The following OAS1 variants were observed in gnomAD, a reference collection of about 807,000 sequenced individuals.
The protein encoded by OAS1 is 2'-5'-oligoadenylate synthase 1.
In OAS1, 24 loss-of-function variants were observed where a neutral mutation model predicts 38.5. The ratio of observed to expected loss-of-function variants is 0.62; its 90% confidence interval spans 0.45 to 0.88. The LOEUF is 0.88. Ranked by LOEUF, OAS1 falls within the 40% of genes least tolerant of loss-of-function variation. The pLI, the probability that OAS1 is intolerant of heterozygous loss-of-function variation, is 0.00. For missense variants in OAS1, 482 were observed against 493.9 expected (o/e 0.98, Z 0.23); for synonymous variants, 169 against 193.9 (o/e 0.87, Z 1.07).
At chr12:112,932,442 A>T (rs2043603644), downstream of OAS1, 1 of 152,754 alleles carries the variant, frequency 6.5e-6, no homozygotes, top group South Asian at 2.1e-4. Flanking sequence ...AAATACAAAA[A>T]TTAGCCGGGC....
chr12:112,907,304 A>C, intron 1 of OAS1, 85 bp downstream of exon 1: 1 of 1,340,066 alleles, frequency 7.5e-7, no homozygotes, highest in Non-Finnish European at 1.1e-6. Context: ...GAGAGAGAGA[A>C]GCAAAAACCT....
chr12:112,922,409 C>T (rs546987642), downstream of OAS1, among the ~76,000 whole-genome samples: 2 of 152,288 alleles, frequency 1.3e-5, no homozygotes, highest in South Asian at 4.1e-4. Flanking sequence ...AGATACTCAT[C>T]CACTAAGTCA....
At chr12:112,928,936 C>T (rs1419647196) in intron 6 of OAS1, among the ~76,000 whole-genome samples, 1 of 152,194 alleles carries the variant, frequency 6.6e-6, no homozygotes, top group African/African-American at 2.4e-5. Flanking sequence ...TTTATGGATT[C>T]TACAGCAATC....
At chr12:112,915,933 C>T (rs1209401796) in intron 3 of OAS1, among the ~76,000 whole-genome samples, 1 of 152,028 alleles carries the variant, frequency 6.6e-6, no homozygotes, top group East Asian at 1.9e-4. Context: ...TGTTTTGTTT[C>T]CTTGTGTGCC....
At chr12:112,927,785 A>G (rs896529570) in intron 6 of OAS1, among the ~76,000 whole-genome samples, 34 of 152,190 alleles carry the variant, frequency 2.2e-4, no homozygotes, top group African/African-American at 8.2e-4. Context: ...CCGCTGTGCT[A>G]ATGTAGGGAG....
chr12:112,917,839 C>T, intron 5 of OAS1, 139 bp downstream of exon 5: 2 of 1,579,408 alleles, frequency 1.3e-6, no homozygotes, highest in African/African-American at 2.7e-5. Context: ...ACAGGCTGTG[C>T]TCCATATTTT....
chr12:112,919,489 C>A lies in OAS1; in HGVS notation c.1139C>A (p.Pro380His). 2 of 1,614,168 alleles carry A rather than the reference C, an allele frequency of 1.2e-6. No homozygotes were observed. The highest frequency in any genetic ancestry group is 1.7e-6 in the Non-Finnish European group (2 of 1,180,034). The change falls in exon 6 of 6, where the codon CCC (proline) becomes CAC (histidine). Residue 380 changes from proline to histidine, a missense_variant. By Grantham distance (77) the Pro-to-His change is moderately conservative. Transcript: ENST00000202917. The stretch of plus-strand genomic sequence containing the variant: ...GAGTACCCTCATTTCTCTCATAGAC[C>A]CAGCACACTCCAGGCAGCATCCACC... ...THEYPHFSHR[P>H]STLQAASTPQ...
chr12:112,914,734 T>G (rs577345804), intron 3 of OAS1, among the ~76,000 whole-genome samples: 123 of 127,936 alleles, frequency 9.6e-4, no homozygotes, highest in Non-Finnish European at 1.5e-3. Flanking sequence ...GTATTTGTTT[T>G]TTTTTTTTTT....
intron 5 of OAS1, 80 bp from the exon 6 acceptor site, chr12:112,919,309 G>A: frequency 7.7e-7 from 1 of 1,291,674 alleles, no homozygotes; most frequent in Non-Finnish European, 1.1e-6. Flanking sequence ...GCATGTCACA[G>A]TGTCTACCGT....
rs1240596590 is a variant in OAS1, at chr12:112,919,312, T to A, written c.1039-77T>A. The A allele has an allele frequency of 5.3e-6, 7 of 1,324,444 alleles. No homozygotes were observed. The East Asian group carries it at 1.4e-4, about 26-fold the overall frequency. 82.0% of individuals were successfully genotyped at this position (1,324,444 alleles called of 1,614,324 possible). On this transcript the variant is annotated intron_variant, in intron 5 of 5. Coordinates refer to ENST00000202917, the MANE Select transcript of OAS1 (RefSeq NM_016816.4). The stretch of plus-strand genomic sequence containing the variant: ...GGGATCCAGATGGCATGTCACAGTG[T>A]CTACCGTAAATGCTCACTGAATCCA...
intron 3 of OAS1, among the ~76,000 whole-genome samples, chr12:112,912,433 T>C (rs576728499): frequency 6.6e-5 from 10 of 152,368 alleles, no homozygotes; most frequent in Admixed American, 4.6e-4. Flanking sequence ...TGTATATTTC[T>C]TGAATGAACG....
chr12:112,919,337 A>C (rs1452263487), intron 5 of OAS1, 52 bp from the exon 6 acceptor site: 52 of 1,510,644 alleles, frequency 3.4e-5, no homozygotes, highest in Non-Finnish European at 4.6e-5. Flanking sequence ...CACTGAATCC[A>C]GCTGCAATGC....
downstream of OAS1, among the ~76,000 whole-genome samples, chr12:112,924,743 C>G (rs1268314128): frequency 6.6e-6 from 1 of 152,082 alleles, no homozygotes; most frequent in African/African-American, 2.4e-5. Context: ...GATCTTTATA[C>G]TTTTCTAAAT....
At chr12:112,921,893 A>G (rs1052964036), downstream of OAS1, among the ~76,000 whole-genome samples, 1 of 152,146 alleles carries the variant, frequency 6.6e-6, no homozygotes, top group Non-Finnish European at 1.5e-5. Flanking sequence ...CCCTCAGGCC[A>G]ATGTCGGGTA....
intron 5 of OAS1, chr12:112,918,336 G>T: frequency 5.2e-6 from 1 of 193,596 alleles, no homozygotes; most frequent in Non-Finnish European, 1.1e-5. Flanking sequence ...TCTTTCTTAT[G>T]GCTGCATAAT....
intron 6 of OAS1, among the ~76,000 whole-genome samples, chr12:112,925,501 T>C (rs2043552982): frequency 6.6e-6 from 1 of 152,176 alleles, no homozygotes; most frequent in Non-Finnish European, 1.5e-5. Context: ...ACCTAACTCC[T>C]TGGTGAAACA....
At chr12:112,918,085 A>G (rs2043489068) in intron 5 of OAS1, 1 of 378,740 alleles carries the variant, frequency 2.6e-6, no homozygotes, top group South Asian at 3.0e-5. Flanking sequence ...CACATGTGCC[A>G]TTTGTTACAC....
At chr12:112,913,678 A>G (rs1201671785) in intron 3 of OAS1, among the ~76,000 whole-genome samples, 2 of 152,012 alleles carry the variant, frequency 1.3e-5, no homozygotes, top group African/African-American at 4.8e-5. Flanking sequence ...TTTCTATTTC[A>G]TATTTTTGTA....
Position 112,919,752 on chromosome 12 carries a change from C to A in OAS1, c.*199C>A. 1 of 1,461,562 alleles carries A rather than the reference C, an allele frequency of 6.8e-7. No individual in the cohort carries two copies. The highest frequency in any genetic ancestry group is 2.6e-5 in the Admixed American group (1 of 37,990). The allele number at this position is 1,461,562 out of a possible 1,614,324, so 90.5% of individuals were successfully genotyped here. A position where few individuals can be genotyped will look rare whatever the true frequency, so the allele number is the denominator to read the frequency against. On this transcript the variant is annotated 3_prime_UTR_variant, in exon 6 of 6. Transcript: ENST00000202917. ...GATAACATTCTCCACAGCCTCACTT[C>A]ATTCCACCTATTCTCTGAAAATATT...
Sources: allele counts gnomAD v4.1 joint callset (sites outside exome capture counted in the v4.1 genomes callset), GRCh38; gene constraint gnomAD v4.1.1; transcripts MANE v1.5; gene names NCBI Gene and HGNC (gene_info 2026-07-23, HGNC 2026-07-21).